GPI: variants seen among roughly 807,000 people sequenced by gnomAD.
GPI encodes glucose-6-phosphate isomerase.
A neutral mutation model predicts 75.8 loss-of-function variants in GPI; 56 were observed. The ratio of observed to expected loss-of-function variants is 0.74; its 90% CI spans 0.60 to 0.92. The LOEUF (loss-of-function observed/expected upper bound fraction) is 0.92. Among genes scored for constraint, GPI ranks in the 40% least tolerant of loss-of-function variants. The pLI, the probability that GPI is intolerant of heterozygous loss-of-function variation, is 0.00. For synonymous variants in GPI, 288 were observed against 285.4 expected, an observed-to-expected ratio of 1.01 and a Z score of -0.09; for missense variants, 638 against 741.0, an observed-to-expected ratio of 0.86 and a Z score of 1.61.
At position 34,396,325 on chromosome 19, in the gene GPI, T is replaced by A; in HGVS notation, c.1087T>A (p.Tyr363Asn). The A allele has an allele frequency of 6.2e-7, 1 of 1,614,168 alleles. No homozygotes were observed. The highest frequency in any genetic ancestry group is 1.7e-5 in the Admixed American group (1 of 60,028). Reference sequence around the variant, plus strand: ...GGGCGACATGGAGTCCAATGGGAAATACATCACCAAATCTGGAACCCGTGT... The same window carrying A: ...GGGCGACATGGAGTCCAATGGGAAAAACATCACCAAATCTGGAACCCGTGT... ...QQGDMESNGK[Y>N]ITKSGTRVDH... The change falls in exon 13 of 18, where the codon TAC (tyrosine) becomes AAC (asparagine). Residue 363 changes from tyrosine (Y) to asparagine (N), a missense_variant. Physicochemically the swap from Tyr to Asn is moderately radical, Grantham distance 143. Coordinates refer to ENST00000356487, the MANE Select transcript of GPI (RefSeq NM_000175.5).
intron 4 of GPI, among the ~76,000 whole-genome samples, chr19:34,370,090 A>G (rs916490663): frequency 3.9e-5 from 6 of 152,168 alleles, no homozygotes; most frequent in Admixed American, 1.3e-4. Flanking sequence ...GAAGTATGTA[A>G]GCAGTGTCCG....
intron 9 of GPI, among the ~76,000 whole-genome samples, chr19:34,383,468 A>C (rs891402558): frequency 6.6e-6 from 1 of 152,164 alleles, no homozygotes; most frequent in Admixed American, 6.5e-5. Context: ...CCGGTTCCGA[A>C]AAGTGAGGAT....
upstream of GPI, among the ~76,000 whole-genome samples, chr19:34,362,992 G>T (rs2074309206): frequency 3.9e-5 from 6 of 152,136 alleles, no homozygotes; most frequent in Admixed American, 3.9e-4. Flanking sequence ...CTAGAAAAAG[G>T]CAGTCTCAGT....
Position 34,368,546 on chromosome 19 carries a change from G to C in GPI, c.283-37G>C, listed in dbSNP as rs200901502. On this transcript the variant is annotated intron_variant, in intron 3 of 17. Transcript: ENST00000356487. Reference sequence around the variant, plus strand: ...CTGGGAGCATGGCTGCCTGGGGTTGGGGGGGGCAGTCTTTATATCCTGACC... The same window carrying C: ...CTGGGAGCATGGCTGCCTGGGGTTGCGGGGGGCAGTCTTTATATCCTGACC... The C allele has an allele frequency of 2.7e-4, 440 of 1,613,064 alleles. 1 individual carries two copies. In the Admixed American group the frequency reaches 2.9e-3, roughly 11 times the overall value.
intron 9 of GPI, chr19:34,392,733 G>A (rs1006780031): frequency 5.9e-5 from 6 of 101,360 alleles, no homozygotes; most frequent in African/African-American, 4.1e-4. Flanking sequence ...GTCTGCCAGT[G>A]TCTGGGGAGG....
At chr19:34,395,491 A>G (rs2074930666) in intron 12 of GPI, among the ~76,000 whole-genome samples, 1 of 152,156 alleles carries the variant, frequency 6.6e-6, no homozygotes, top group African/African-American at 2.4e-5. Flanking sequence ...TCAGTGAGCA[A>G]TGATTCTACC....
Position 34,400,260 on chromosome 19 carries a change from A to C in GPI, c.*224A>C. The C allele has an allele frequency of 3.2e-6, 2 of 616,796 alleles. No homozygotes were observed. Among genetic ancestry groups the C allele is most frequent in the Non-Finnish European group, 5.8e-6 (2 of 345,620 alleles). The allele number at this position is 616,796 out of a possible 1,614,324, so 38.2% of individuals were successfully genotyped here. ...AGAATTGGCTGAAGTGTTTTTGTGC[A>C]GCTGACTTTTCTGACCCATGTTCAC... On this transcript the variant is annotated 3_prime_UTR_variant, in exon 18 of 18. Transcript: ENST00000356487.
At chr19:34,366,478 T>G (rs1432451895) in intron 2 of GPI, 43 bp downstream of exon 2, 1 of 1,387,838 alleles carries the variant, frequency 7.2e-7, no homozygotes, top group South Asian at 1.2e-5. Flanking sequence ...ACCGACAGAG[T>G]GGTGGGTGAG....
intron 14 of GPI, chr19:34,397,612 C>G (rs946647552): frequency 2.0e-5 from 3 of 151,652 alleles, no homozygotes; most frequent in Non-Finnish European, 4.4e-5. Flanking sequence ...CCTCAAATAG[C>G]TGAGACTTAC....
chr19:34,385,373 AAAAG>A (rs2074719648), intron 9 of GPI, among the ~76,000 whole-genome samples: 3 of 152,072 alleles, frequency 2.0e-5, no homozygotes, highest in South Asian at 4.1e-4. Flanking sequence ...AAAAAAAAAA[AAAAG>A]AAAAAAGATG....
At chr19:34,397,919 C>T (rs937664579) in intron 14 of GPI, 1 of 151,738 alleles carries the variant, frequency 6.6e-6, no homozygotes, top group Non-Finnish European at 1.5e-5. Context: ...TAGCATGTCA[C>T]TCTGTTGCTG....
At chr19:34,368,353 T>C (rs1430004975) in intron 3 of GPI, among the ~76,000 whole-genome samples, 1 of 152,234 alleles carries the variant, frequency 6.6e-6, no homozygotes, top group Non-Finnish European at 1.5e-5. Context: ...CCTAGGCATA[T>C]ATGGGTCCCC....
intron 13 of GPI, 34 bp downstream of exon 13, chr19:34,396,464 G>C (rs764729775): frequency 1.3e-5 from 21 of 1,613,668 alleles, no homozygotes; most frequent in Admixed American, 8.3e-5. Context: ...GGTGATGTTG[G>C]GGGAGGGAAA....
intron 14 of GPI, 30 bp downstream of exon 14, chr19:34,396,687 G>T: frequency 6.3e-7 from 1 of 1,591,316 alleles, no homozygotes; most frequent in Non-Finnish European, 8.6e-7. Context: ...CCCATCTGGG[G>T]GGTCTGGCTC....
chr19:34,365,760 A>G (rs1031534602), intron 1 of GPI: 9 of 481,754 alleles, frequency 1.9e-5, no homozygotes, highest in African/African-American at 9.8e-5. Context: ...GTCCCTTTCC[A>G]TCCGCTCCTG....
chr19:34,365,526 C>T (rs1346631167), intron 1 of GPI, 138 bp downstream of exon 1: 1 of 1,345,638 alleles, frequency 7.4e-7, no homozygotes, highest in African/African-American at 1.4e-5. Context: ...GGGCCCAGGC[C>T]GAGTCCGCAC....
chr19:34,365,541 TC>T, intron 1 of GPI, 153 bp downstream of exon 1: 2 of 1,238,712 alleles, frequency 1.6e-6, no homozygotes, highest in Non-Finnish European at 1.1e-6. Context: ...CCGCACTTCG[TC>T]CTTGGAGTCT....
In GPI at chr19:34,365,362, C is replaced by T; in HGVS notation, c.96C>T (p.Ala32=). Residue 32 remains alanine (A), a synonymous_variant, in exon 1 of 18, where the codon GCC becomes GCT. Coordinates refer to ENST00000356487, the MANE Select transcript of GPI (RefSeq NM_000175.5). ...TGAACCTGCGCCGCCTCTTCGATGC[C>T]AACAAGGACCGCTTCAACCACTTCA... is the stretch of plus-strand genomic sequence containing the variant. ...SELNLRRLFD[A]NKDRFNHFSL... is the part of the protein sequence containing the mutation. The T allele has an allele frequency of 6.3e-7, 1 of 1,589,898 alleles. No individual in the cohort carries two copies. The highest frequency in any genetic ancestry group is 1.7e-5 in the Admixed American group (1 of 58,344).
chr19:34,360,591 C>A (rs1317752716), upstream of GPI, among the ~76,000 whole-genome samples: 2 of 152,060 alleles, frequency 1.3e-5, no homozygotes, highest in Non-Finnish European at 2.9e-5. Context: ...GAGCGAGACA[C>A]TGTTTCAACT....
Sources: gnomAD v4.1 joint callset for allele counts (sites outside exome capture counted in the v4.1 genomes callset) on GRCh38, gnomAD v4.1.1 for gene constraint, MANE v1.5 for transcripts, NCBI Gene and HGNC (gene_info 2026-07-23, HGNC 2026-07-21) for gene names.